EYS: variants seen among roughly 807,000 people sequenced by gnomAD.
EYS encodes EGF-like photoreceptor maintenance factor.
In EYS, 250 loss-of-function variants were observed where a neutral mutation model predicts 282.1. The ratio of observed to expected loss-of-function variants is 0.89; its 90% confidence interval spans 0.80 to 0.98. The LOEUF (loss-of-function observed/expected upper bound fraction) is 0.98. EYS is among the 50% of genes least tolerant of loss of function. The probability of loss-of-function intolerance (pLI) is 0.00; values close to 1 mark genes in which losing one functional copy is unlikely to be tolerated. For missense variants in EYS, 4,016 were observed against 3,709.0 expected (o/e 1.08, Z -2.15); for synonymous variants, 1,355 against 1,282.9 (o/e 1.06, Z -1.20).
At chr6:64,387,512 G>A (rs1010056123) in intron 29 of EYS, among the ~76,000 whole-genome samples, 4 of 152,018 alleles carry the variant, frequency 2.6e-5, no homozygotes, top group African/African-American at 9.7e-5. Context: ...TTTATGAAAG[G>A]TTTTATTTAT....
At chr6:63,726,821 A>T in intron 41 of EYS, 141 bp from the exon 42 acceptor site, 2 of 705,272 alleles carry the variant, frequency 2.8e-6, no homozygotes, top group Non-Finnish European at 4.7e-6. Flanking sequence ...AGTACATCAA[A>T]CCTTGGTAAC....
At chr6:65,332,367 C>T (rs1436592724) in intron 11 of EYS, 1 of 952,848 alleles carries the variant, frequency 1.0e-6, no homozygotes, top group South Asian at 1.4e-5. Flanking sequence ...CTGTATAAAC[C>T]TTTCTATATG....
At chr6:64,839,099 T>A (rs912792238) in intron 19 of EYS, among the ~76,000 whole-genome samples, 1 of 152,038 alleles carries the variant, frequency 6.6e-6, no homozygotes, top group African/African-American at 2.4e-5. Flanking sequence ...TAACATCTTG[T>A]AATTAAAAAC....
intron 8 of EYS, among the ~76,000 whole-genome samples, chr6:65,379,109 C>CATA (rs1765512113): frequency 6.6e-6 from 1 of 152,038 alleles, no homozygotes; most frequent in Non-Finnish European, 1.5e-5. Context: ...CTCCCTAACT[C>CATA]ATTTTATGAG....
intron 31 of EYS, among the ~76,000 whole-genome samples, chr6:64,101,938 A>G (rs574741093): frequency 6.6e-5 from 10 of 151,694 alleles, no homozygotes; most frequent in South Asian, 4.2e-4. Flanking sequence ...GCAGTTCCCA[A>G]TTGGGTTTGT....
At chr6:65,151,547 GCTGT>G (rs1764611787) in intron 12 of EYS, among the ~76,000 whole-genome samples, 1 of 151,918 alleles carries the variant, frequency 6.6e-6, no homozygotes, top group African/African-American at 2.4e-5. Flanking sequence ...CATGCAGAAA[GCTGT>G]CTAACAGCAT....
chr6:65,469,743 C>G (rs1006525082), intron 5 of EYS, among the ~76,000 whole-genome samples: 3 of 151,950 alleles, frequency 2.0e-5, no homozygotes, highest in Admixed American at 1.3e-4. Context: ...CAGAGGAATT[C>G]AAACTTCAAC....
intron 19 of EYS, among the ~76,000 whole-genome samples, chr6:64,841,318 G>A (rs537858198): frequency 2.0e-5 from 3 of 152,010 alleles, no homozygotes; most frequent in African/African-American, 7.2e-5. Context: ...TACAATAAAT[G>A]TTAAGGTAAA....
At chr6:65,670,623 T>G (rs1471369180) in intron 1 of EYS, among the ~76,000 whole-genome samples, 1 of 151,998 alleles carries the variant, frequency 6.6e-6, no homozygotes, top group Non-Finnish European at 1.5e-5. Flanking sequence ...TTTGAACAAT[T>G]GATAATGAAT....
chr6:63,901,411 T>C (rs888176132), intron 35 of EYS, among the ~76,000 whole-genome samples: 1 of 152,182 alleles, frequency 6.6e-6, no homozygotes, highest in Non-Finnish European at 1.5e-5. Flanking sequence ...TACAGACACA[T>C]GTGTAATGCA....
chr6:63,805,374 T>C (rs182975637), intron 37 of EYS, among the ~76,000 whole-genome samples: 14 of 152,354 alleles, frequency 9.2e-5, no homozygotes, highest in Admixed American at 7.8e-4. Flanking sequence ...CTGAGTACTT[T>C]CTTAATTTCT....
chr6:63,774,535 T>C (rs1389780555), intron 40 of EYS, among the ~76,000 whole-genome samples: 1 of 152,194 alleles, frequency 6.6e-6, no homozygotes, highest in African/African-American at 2.4e-5. Flanking sequence ...CTATACAACA[T>C]GGTGACTATG....
intron 2 of EYS, among the ~76,000 whole-genome samples, chr6:65,581,510 G>A (rs1173050502): frequency 6.6e-6 from 1 of 152,054 alleles, no homozygotes; most frequent in Non-Finnish European, 1.5e-5. Flanking sequence ...CACAATAATT[G>A]CCAATGTTCA....
chr6:64,172,538 A>G (rs1764512870), intron 31 of EYS, among the ~76,000 whole-genome samples: 1 of 152,218 alleles, frequency 6.6e-6, no homozygotes, highest in African/African-American at 2.4e-5. Context: ...AAATAAAAAC[A>G]TAACTATCTT....
chr6:64,682,627 C>T (rs553994310), intron 22 of EYS, among the ~76,000 whole-genome samples: 34 of 152,232 alleles, frequency 2.2e-4, no homozygotes, highest in Admixed American at 1.4e-3. Context: ...TGCGCCCTCA[C>T]CTTCCAAGGG....
chr6:64,279,091 T>C (rs1236067634), intron 30 of EYS, among the ~76,000 whole-genome samples: 3 of 152,206 alleles, frequency 2.0e-5, no homozygotes, highest in Non-Finnish European at 4.4e-5. Flanking sequence ...TTAATTTTCC[T>C]GTTAACTTAC....
chr6:63,962,169 T>G (rs1033709175), intron 35 of EYS, among the ~76,000 whole-genome samples: 13 of 152,126 alleles, frequency 8.5e-5, no homozygotes, highest in African/African-American at 2.7e-4. Flanking sequence ...GAAGAAAACC[T>G]AGGCAATACC....
Position 65,595,150 on chromosome 6 carries a change from T to C in EYS, c.-333+44628A>G, listed in dbSNP as rs565563950. 2.0e-5 allele frequency among the ~76,000 whole-genome samples: 3 copies of C among 152,170 alleles called. No individual in the cohort carries two copies. The East Asian group carries it at 5.8e-4, about 30-fold the overall frequency. On this transcript the variant is annotated intron_variant, in intron 2 of 42. Transcript: ENST00000503581. Reference sequence around the variant, plus strand: ...ATACTATTCAGCCATAAAAAAACGATGAGTTCATGTCCTTTGTAGGGACAT... The same window carrying C: ...ATACTATTCAGCCATAAAAAAACGACGAGTTCATGTCCTTTGTAGGGACAT...
At chr6:64,388,416 T>C (rs1378346006) in intron 29 of EYS, among the ~76,000 whole-genome samples, 2 of 152,146 alleles carry the variant, frequency 1.3e-5, no homozygotes, top group African/African-American at 4.8e-5. Context: ...TAAATAGTAT[T>C]GAGAAATGTA....
Sources: gnomAD v4.1 joint callset for allele counts (sites outside exome capture counted in the v4.1 genomes callset) on GRCh38, gnomAD v4.1.1 for gene constraint, MANE v1.5 for transcripts, NCBI Gene and HGNC (gene_info 2026-07-23, HGNC 2026-07-21) for gene names.